DNAH6: variants seen among roughly 807,000 people sequenced by gnomAD.
DNAH6 encodes axonemal beta dynein heavy chain 6.
In DNAH6, 340 loss-of-function variants were observed where a neutral mutation model predicts 491.4. The ratio of observed to expected loss-of-function variants is 0.69; its 90% CI spans 0.63 to 0.76. DNAH6 has a LOEUF of 0.76. Among genes scored for constraint, DNAH6 ranks in the 30% least tolerant of loss-of-function variants. DNAH6 has a pLI of 0.00. For synonymous variants in DNAH6, 1,603 were observed against 1,686.1 expected (o/e 0.95, Z 1.21); for missense variants, 4,443 against 4,972.2 (o/e 0.89, Z 3.20).
intron 14 of DNAH6, among the ~76,000 whole-genome samples, chr2:84,583,751 G>A (rs1573102576): frequency 3.9e-5 from 6 of 152,186 alleles, no homozygotes; most frequent in Admixed American, 3.3e-4. Context: ...CTGCTGTCAC[G>A]TAAGACATGC....
chr2:84,705,899 A>AT (rs1176420249), intron 52 of DNAH6, among the ~76,000 whole-genome samples, 152 bp downstream of exon 52: 3 of 151,936 alleles, frequency 2.0e-5, no homozygotes, highest in Non-Finnish European at 4.4e-5. Flanking sequence ...AGAGCTGGCA[A>AT]TTTTTTTTCA....
chr2:84,541,977 G>T (rs1264727713), intron 4 of DNAH6, among the ~76,000 whole-genome samples: 2 of 152,174 alleles, frequency 1.3e-5, no homozygotes, highest in African/African-American at 4.8e-5. Flanking sequence ...AAGGGCTCTC[G>T]TGTGTTCAGT....
chr2:84,700,008 G>A (rs2104818729), intron 48 of DNAH6, among the ~76,000 whole-genome samples: 1 of 152,330 alleles, frequency 6.6e-6, no homozygotes, highest in African/African-American at 2.4e-5. Context: ...CAAGAGAGAA[G>A]AGGGGAGAGA....
intron 66 of DNAH6, 150 bp downstream of exon 66, chr2:84,784,960 A>G: frequency 1.6e-6 from 1 of 612,602 alleles, no homozygotes; most frequent in African/African-American, 1.9e-5. Flanking sequence ...TTCACCTATA[A>G]CAAGCAGAGA....
intron 11 of DNAH6, among the ~76,000 whole-genome samples, chr2:84,563,500 G>A (rs1384072320): frequency 6.6e-6 from 1 of 152,028 alleles, no homozygotes; most frequent in African/African-American, 2.4e-5. Flanking sequence ...GTTATAATTA[G>A]CATTTTTTCA....
chr2:84,461,168 T>C, the DNAH6 span, among the ~76,000 whole-genome samples: 1 of 152,238 alleles, frequency 6.6e-6, no homozygotes, highest in Admixed American at 6.5e-5. Flanking sequence ...CAGACCTTAG[T>C]TATAGATTAA....
At chr2:84,719,013 A>C (rs1697830955) in intron 59 of DNAH6, among the ~76,000 whole-genome samples, 1 of 152,254 alleles carries the variant, frequency 6.6e-6, no homozygotes, top group Admixed American at 6.5e-5. Context: ...TCAAACTATC[A>C]TTTAAGGAGT....
At chr2:84,735,920 C>T (rs1699503074) in intron 62 of DNAH6, among the ~76,000 whole-genome samples, 1 of 152,034 alleles carries the variant, frequency 6.6e-6, no homozygotes, top group Non-Finnish European at 1.5e-5. Context: ...TGCTTTTGGA[C>T]TCTTCATCAT....
chr2:84,526,237 AC>A (rs1676592519), intron 3 of DNAH6, among the ~76,000 whole-genome samples: 2 of 152,110 alleles, frequency 1.3e-5, no homozygotes, highest in South Asian at 2.1e-4. Context: ...AGAAAAAAAA[AC>A]AATAAGGGGA....
intron 11 of DNAH6, among the ~76,000 whole-genome samples, chr2:84,560,680 G>C (rs1263500328): frequency 6.6e-6 from 1 of 151,682 alleles, no homozygotes; most frequent in African/African-American, 2.4e-5. Context: ...TCATTGTTCA[G>C]TTCCCACCTA....
At chr2:84,571,842 C>T (rs1016403449) in intron 11 of DNAH6, among the ~76,000 whole-genome samples, 6 of 151,518 alleles carry the variant, frequency 4.0e-5, no homozygotes, top group African/African-American at 1.2e-4. Context: ...TGCTTGAGCC[C>T]GAGAGGTGGA....
chr2:84,672,731 C>T (rs1162912904), intron 40 of DNAH6, among the ~76,000 whole-genome samples: 1 of 152,128 alleles, frequency 6.6e-6, no homozygotes, highest in Non-Finnish European at 1.5e-5. Flanking sequence ...GTGTCCAAAC[C>T]TCTTCTTATA....
Position 84,745,266 on chromosome 2 carries a change from A to G in DNAH6, c.10512+17A>G. ...GAAGAAAAGGTAGGGCATTTTTTTA[A>G]TTAAAGGACTGTGTTACAATTATTT... is the stretch of plus-strand genomic sequence containing the variant. On this transcript the variant is annotated intron_variant, in intron 63 of 76. Coordinates refer to ENST00000389394, the MANE Select transcript of DNAH6 (RefSeq NM_001370.2). 6.9e-7 allele frequency: 1 copy of G among 1,444,724 alleles called. No homozygotes were observed. Among genetic ancestry groups the G allele is most frequent in the Non-Finnish European group, 9.2e-7 (1 of 1,087,260 alleles). The allele number at this position is 1,444,724 out of a possible 1,614,324, so 89.5% of individuals were successfully genotyped here.
intron 15 of DNAH6, 116 bp downstream of exon 15, chr2:84,584,366 T>G (rs1683331599): frequency 2.9e-6 from 3 of 1,047,356 alleles, no homozygotes; most frequent in Non-Finnish European, 4.1e-6. Context: ...TATAATGTGA[T>G]GTTTTGATAT....
intron 31 of DNAH6, among the ~76,000 whole-genome samples, chr2:84,637,649 T>C (rs1479899525): frequency 6.6e-6 from 1 of 152,156 alleles, no homozygotes; most frequent in East Asian, 1.9e-4. Flanking sequence ...TCATTGGGGT[T>C]TTTCAGTTCC....
At chr2:84,693,538 T>A (rs1558919376) in intron 45 of DNAH6, among the ~76,000 whole-genome samples, 1 of 151,902 alleles carries the variant, frequency 6.6e-6, no homozygotes, top group Non-Finnish European at 1.5e-5. Flanking sequence ...GATCAGGAGA[T>A]CGAGACCATC....
chr2:84,683,316 C>A (rs528099850), intron 42 of DNAH6, among the ~76,000 whole-genome samples: 2 of 152,006 alleles, frequency 1.3e-5, no homozygotes, highest in East Asian at 3.9e-4. Flanking sequence ...CAAGTCTCCC[C>A]TGATTTTGTA....
intron 63 of DNAH6, among the ~76,000 whole-genome samples, chr2:84,753,814 A>G (rs1673718925): frequency 1.4e-5 from 2 of 147,658 alleles, no homozygotes; most frequent in Non-Finnish European, 3.0e-5. Context: ...GATCTTTGAT[A>G]CATTTTGAGT....
chr2:84,745,940 T>A (rs1359666821), intron 63 of DNAH6, among the ~76,000 whole-genome samples: 1 of 151,980 alleles, frequency 6.6e-6, no homozygotes, highest in Non-Finnish European at 1.5e-5. Flanking sequence ...ATGAAAGAAG[T>A]TATGACAGTC....
Sources: allele counts gnomAD v4.1 joint callset (sites outside exome capture counted in the v4.1 genomes callset), GRCh38; gene constraint gnomAD v4.1.1; transcripts MANE v1.5; gene names NCBI Gene and HGNC (gene_info 2026-07-23, HGNC 2026-07-21).